The following MAP3K2 variants were observed in gnomAD, a reference collection of about 807,000 sequenced individuals.
MAP3K2 encodes the protein mitogen-activated protein kinase kinase kinase 2.
Under a neutral mutation model 80.3 loss-of-function variants are expected in MAP3K2, and 24 were observed. The observed-to-expected ratio is 0.30, with a 90% CI of 0.22 to 0.42. The LOEUF (loss-of-function observed/expected upper bound fraction) is 0.42. Ranked by LOEUF, MAP3K2 falls within the 10% of genes least tolerant of loss-of-function variation. The probability of loss-of-function intolerance (pLI) is 1.00; values close to 1 mark genes in which losing one functional copy is unlikely to be tolerated. For synonymous variants in MAP3K2, 244 were observed against 253.7 expected, an observed-to-expected ratio of 0.96 and a Z score of 0.36; for missense variants, 608 against 750.1, an observed-to-expected ratio of 0.81 and a Z score of 2.21.
At chr2:127,370,513 T>C (rs1687044594) in intron 1 of MAP3K2, among the ~76,000 whole-genome samples, 1 of 152,216 alleles carries the variant, frequency 6.6e-6, no homozygotes, top group Admixed American at 6.5e-5. Context: ...TAGGGTTTCA[T>C]CAAGGGACAA....
At position 127,382,309 on chromosome 2, in the gene MAP3K2, A is replaced by C. The variant is rs115622137; in HGVS notation, c.-66+5143T>G. 3.6e-3 allele frequency among the ~76,000 whole-genome samples: 552 copies of C among 152,352 alleles called. 4 individuals are homozygous for C. Among genetic ancestry groups the C allele is most frequent in the African/African-American group, 0.012 (515 of 41,586 alleles). The stretch of plus-strand genomic sequence containing the variant: ...TAAAATGTCATAATGTCCATAGCTT[A>C]GTTTCAAAGAGTTCAGCTGAAAATA... On this transcript the variant is annotated intron_variant, in intron 1 of 16. Coordinates refer to ENST00000682094, the MANE Select transcript of MAP3K2 (RefSeq NM_001371910.2).
chr2:127,381,810 G>C (rs1252070597), intron 1 of MAP3K2, among the ~76,000 whole-genome samples: 2 of 151,540 alleles, frequency 1.3e-5, no homozygotes, highest in East Asian at 3.9e-4. Flanking sequence ...CACTTATTAG[G>C]TATTCTTGTC....
At position 127,306,739 on chromosome 2, in the gene MAP3K2, T is replaced by C. The variant is rs894443591; in HGVS notation, c.*840A>G. 5 of 152,264 alleles carry C rather than the reference T, an allele frequency of 3.3e-5. No homozygotes were observed. The highest frequency in any genetic ancestry group is 6.5e-5 in the Admixed American group (1 of 15,268). The allele number at this position is 152,264 out of a possible 1,614,324, so 9.4% of individuals were successfully genotyped here. A position where few individuals can be genotyped will look rare whatever the true frequency, so the allele number is the denominator to read the frequency against. ...ACCTAATTTTTTTTCATTATTTCTATTGACTGTAAATGTGGTCTCTTCTAC... is the reference window on the plus strand; with the variant it reads ...ACCTAATTTTTTTTCATTATTTCTACTGACTGTAAATGTGGTCTCTTCTAC... On this transcript the variant is annotated 3_prime_UTR_variant, in exon 17 of 17. Coordinates refer to ENST00000682094, the MANE Select transcript of MAP3K2 (RefSeq NM_001371910.2). The surrounding 1 kb of genome is among the most constrained non-coding windows in gnomAD (Gnocchi z 4.7).
chr2:127,312,604 T>C (rs1282243714), intron 15 of MAP3K2, among the ~76,000 whole-genome samples: 1 of 152,086 alleles, frequency 6.6e-6, no homozygotes, highest in Non-Finnish European at 1.5e-5. Context: ...GAGGCTTCAG[T>C]GAGCCATGAC....
intron 5 of MAP3K2, among the ~76,000 whole-genome samples, chr2:127,332,035 G>C (rs1241675583): frequency 6.6e-6 from 1 of 152,150 alleles, no homozygotes; most frequent in African/African-American, 2.4e-5. Context: ...TCTGTTTGTA[G>C]CTAATTTTGT....
rs1687028915 is a variant in MAP3K2, at chr2:127,369,576, C to T, written c.-66+17876G>A. On this transcript the variant is annotated intron_variant, in intron 1 of 16. Transcript: ENST00000682094. ...AGACTAATAAGAAATAGTATTGACT[C>T]ACATTTTTCCCACTGGCTTCCATTT... Among the ~76,000 whole-genome samples the T allele has an allele frequency of 2.0e-5, 3 of 150,506 alleles. No individual in the cohort carries two copies. The South Asian group carries it at 6.4e-4, about 32-fold the overall frequency.
upstream of MAP3K2, chr2:127,388,050 C>T (rs562086821): frequency 1.0e-6 from 1 of 983,508 alleles, no homozygotes; most frequent in South Asian, 4.7e-5. Context: ...GTAGCGGAAC[C>T]CGCCGCGGGC....
chr2:127,317,136 T>C (rs1211423094), intron 14 of MAP3K2, among the ~76,000 whole-genome samples: 1 of 151,474 alleles, frequency 6.6e-6, no homozygotes, highest in Non-Finnish European at 1.5e-5. Flanking sequence ...ATCTATATCA[T>C]GTACAAATTG....
intron 1 of MAP3K2, among the ~76,000 whole-genome samples, chr2:127,379,926 T>C (rs1430250693): frequency 2.0e-5 from 3 of 152,224 alleles, no homozygotes; most frequent in East Asian, 1.9e-4. Context: ...CACTGGGTTG[T>C]TGTAGGGATT....
In MAP3K2 at chr2:127,300,601, T is replaced by C. The variant is rs947612193; in HGVS notation, c.*6978A>G. On this transcript the variant is annotated 3_prime_UTR_variant, in exon 17 of 17. Coordinates refer to ENST00000682094, the MANE Select transcript of MAP3K2 (RefSeq NM_001371910.2). ...AAAGTATTTTTGGTATTAACTCTTA[T>C]AATATTTCAGAATTCAGGGTAGCAA... 1.3e-5 allele frequency: 2 copies of C among 152,216 alleles called. No individual in the cohort carries two copies. The highest frequency in any genetic ancestry group is 2.1e-4 in the South Asian group (1 of 4,836). 9.4% of individuals were successfully genotyped at this position (152,216 alleles called of 1,614,324 possible).
At chr2:127,356,736 G>T (rs1328563839) in intron 1 of MAP3K2, among the ~76,000 whole-genome samples, 1 of 152,138 alleles carries the variant, frequency 6.6e-6, no homozygotes, top group East Asian at 1.9e-4. Context: ...ACTCCAGATG[G>T]ATTAAGGACC....
At chr2:127,381,785 T>C (rs1687249586) in intron 1 of MAP3K2, among the ~76,000 whole-genome samples, 1 of 152,186 alleles carries the variant, frequency 6.6e-6, no homozygotes, top group African/African-American at 2.4e-5. Context: ...GGGAGGCATA[T>C]AAAATATATT....
At chr2:127,338,845 A>G in intron 3 of MAP3K2, 87 bp downstream of exon 3, 1 of 878,230 alleles carries the variant, frequency 1.1e-6, no homozygotes, top group Non-Finnish European at 1.8e-6. Context: ...CGAAAGTGTA[A>G]AAGCTGAACA....
At position 127,364,193 on chromosome 2, in the gene MAP3K2, T is replaced by C. The variant is rs1686934081; in HGVS notation, c.-65-20999A>G. 6.6e-6 allele frequency among the ~76,000 whole-genome samples: 1 copy of C among 152,068 alleles called. No homozygotes were observed. The highest frequency in any genetic ancestry group is 1.5e-5 in the Non-Finnish European group (1 of 68,008). On this transcript the variant is annotated intron_variant, in intron 1 of 16. Transcript: ENST00000682094. This position sits in a 1 kb window ranked among gnomAD's most constrained non-coding sequence, Gnocchi z 4.1. ...TTTCTGCTCATCCCTTGAATACCCATCTCCCCTCTCTTTAGTAAATCTTAC... is the reference window on the plus strand; with the variant it reads ...TTTCTGCTCATCCCTTGAATACCCACCTCCCCTCTCTTTAGTAAATCTTAC...
Position 127,364,105 on chromosome 2 carries a change from A to G in MAP3K2, c.-65-20911T>C, listed in dbSNP as rs773062551. ...ATATAGCACACATATGTTTCAGTCA[A>G]TCTAACCTATCTGCTTTTCTCAAAG... On this transcript the variant is annotated intron_variant, in intron 1 of 16. Transcript: ENST00000682094. The surrounding 1 kb of genome is among the most constrained non-coding windows in gnomAD (Gnocchi z 4.1). 5.6e-4 allele frequency among the ~76,000 whole-genome samples: 86 copies of G among 152,240 alleles called. No individual in the cohort carries two copies. The highest frequency in any genetic ancestry group is 2.1e-4 in the Non-Finnish European group (14 of 67,984).
In MAP3K2 at chr2:127,368,565, T is replaced by G. The variant is rs544352977; in HGVS notation, c.-66+18887A>C. Among the ~76,000 whole-genome samples, 9 of 151,812 alleles carry G rather than the reference T, an allele frequency of 5.9e-5. No individual in the cohort carries two copies. The South Asian group carries it at 1.9e-3, about 32-fold the overall frequency. On this transcript the variant is annotated intron_variant, in intron 1 of 16. Transcript: ENST00000682094. The stretch of plus-strand genomic sequence containing the variant: ...TGAACCAGGGAGGTGGAGGTTGCAG[T>G]GAGCCCAGATCGTGCCACTGCACTC...
chr2:127,346,409 TTAAA>T (rs1347686489), intron 1 of MAP3K2, among the ~76,000 whole-genome samples: 16 of 85,312 alleles, frequency 1.9e-4, no homozygotes, highest in South Asian at 4.6e-4. Flanking sequence ...AAAACTGGTT[TTAAA>T]AAAAAAAAAA....
In MAP3K2 at chr2:127,364,131, G is replaced by T. The variant is rs760388844; in HGVS notation, c.-65-20937C>A. Among the ~76,000 whole-genome samples the T allele has an allele frequency of 1.3e-5, 2 of 152,074 alleles. No homozygotes were observed. The highest frequency in any genetic ancestry group is 2.4e-5 in the African/African-American group (1 of 41,396). On this transcript the variant is annotated intron_variant, in intron 1 of 16. Transcript: ENST00000682094. The surrounding 1 kb of genome is among the most constrained non-coding windows in gnomAD (Gnocchi z 4.1). ...TCTAACCTATCTGCTTTTCTCAAAG[G>T]ACTTGCTATTAATAGAGCCCCCTTC...
At chr2:127,314,979 A>C in intron 14 of MAP3K2, 96 bp from the exon 15 acceptor site, 4 of 831,540 alleles carry the variant, frequency 4.8e-6, no homozygotes, top group Non-Finnish European at 5.6e-6. Context: ...AGGAATTCTC[A>C]TCTCACTCGT....
Sources: gnomAD v4.1 joint callset for allele counts (sites outside exome capture counted in the v4.1 genomes callset) on GRCh38, gnomAD v4.1.1 for gene constraint, Gnocchi (gnomAD v3.1) non-coding constraint, MANE v1.5 for transcripts, NCBI Gene and HGNC (gene_info 2026-07-23, HGNC 2026-07-21) for gene names.